PPP2R5D: variants seen among roughly 807,000 people sequenced by gnomAD.
The protein encoded by PPP2R5D is serine/threonine-protein phosphatase 2A 56 kDa regulatory subunit delta isoform.
A neutral mutation model predicts 79.1 loss-of-function variants in PPP2R5D; 12 were observed. The ratio of observed to expected loss-of-function variants is 0.15; its 90% CI spans 0.10 to 0.25. The LOEUF is 0.25. Among genes scored for constraint, PPP2R5D ranks in the 10% least tolerant of loss-of-function variants. PPP2R5D has a pLI of 1.00. For missense variants in PPP2R5D, 419 were observed against 760.2 expected (o/e 0.55, Z 5.28); for synonymous variants, 277 against 286.6 (o/e 0.97, Z 0.34).
chr6:43,004,051 C>T (rs559489632), intron 2 of PPP2R5D, among the ~76,000 whole-genome samples: 3 of 149,954 alleles, frequency 2.0e-5, no homozygotes, highest in African/African-American at 7.4e-5. Flanking sequence ...GAGTCTCGCT[C>T]TGTCGCCCAG....
rs370465754 is a variant in PPP2R5D at position 43,000,551 on chromosome 6, G to A, written c.106-5912G>A. ...AGCCACCGTGCCTGGCTACCTTCTTGTTAGCAGAAAACATTGAGGCCTTCC... is the reference window on the plus strand; with the variant it reads ...AGCCACCGTGCCTGGCTACCTTCTTATTAGCAGAAAACATTGAGGCCTTCC... On this transcript the variant is annotated intron_variant, in intron 2 of 15. Coordinates refer to ENST00000485511, the MANE Select transcript of PPP2R5D (RefSeq NM_006245.4). Among the ~76,000 whole-genome samples, 13 of 152,208 alleles carry A rather than the reference G, an allele frequency of 8.5e-5. No individual in the cohort carries two copies. The South Asian group carries it at 1.2e-3, about 15-fold the overall frequency.
chr6:42,985,527 C>T (rs1164754301), intron 1 of PPP2R5D, among the ~76,000 whole-genome samples: 1 of 152,168 alleles, frequency 6.6e-6, no homozygotes, highest in East Asian at 1.9e-4. Flanking sequence ...CCAAGTGCAT[C>T]CTAGACCAGT....
At chr6:43,000,975 GA>G (rs1772144797) in intron 2 of PPP2R5D, among the ~76,000 whole-genome samples, 1 of 152,184 alleles carries the variant, frequency 6.6e-6, no homozygotes, top group Admixed American at 6.5e-5. Context: ...CACATGAAGA[GA>G]CTAAGAGGTG....
At chr6:42,989,257 G>GA (rs1478780288) in intron 1 of PPP2R5D, among the ~76,000 whole-genome samples, 1 of 152,170 alleles carries the variant, frequency 6.6e-6, no homozygotes, top group African/African-American at 2.4e-5. Context: ...AGAAACCAGT[G>GA]AGCAGCTGTT....
At chr6:42,987,803 T>G (rs1770964533) in intron 1 of PPP2R5D, among the ~76,000 whole-genome samples, 1 of 152,154 alleles carries the variant, frequency 6.6e-6, no homozygotes, top group Admixed American at 6.6e-5. Flanking sequence ...GGCATCATGC[T>G]GAGTGCTGTA....
Position 43,000,236 on chromosome 6 carries a change from C to CTTTTTTTTTTTT in PPP2R5D, c.106-6219_106-6208dup, listed in dbSNP as rs1204045076. Among the ~76,000 whole-genome samples the CTTTTTTTTTTTT allele has an allele frequency of 9.9e-3, 1,047 of 105,940 alleles. 27 individuals carry two copies. Among genetic ancestry groups the CTTTTTTTTTTTT allele is most frequent in the Non-Finnish European group, 0.015 (857 of 56,724 alleles). 69.5% of individuals were successfully genotyped at this position (105,940 alleles called of 152,430 possible). The stretch of plus-strand genomic sequence containing the variant: ...GGCGTGAGCCACCACGTCTGGCCAC[C>CTTTTTTTTTTTT]TTTTTTTTTTTTTTTTTTTGAGATA... On this transcript the variant is annotated intron_variant, in intron 2 of 15. Coordinates refer to ENST00000485511, the MANE Select transcript of PPP2R5D (RefSeq NM_006245.4).
chr6:42,999,369 T>C (rs538165175), intron 2 of PPP2R5D, among the ~76,000 whole-genome samples: 1 of 152,308 alleles, frequency 6.6e-6, no homozygotes, highest in South Asian at 2.1e-4. Context: ...AACAGCTGTC[T>C]CTCAGATGCT....
At chr6:43,005,290 A>T (rs1049996499) in intron 2 of PPP2R5D, among the ~76,000 whole-genome samples, 12 of 151,334 alleles carry the variant, frequency 7.9e-5, no homozygotes, top group Non-Finnish European at 1.6e-4. Flanking sequence ...AAATTTGAAA[A>T]TTTTTATCTT....
chr6:43,008,701 C>T lies in PPP2R5D; in HGVS notation c.1035C>T (p.Tyr345=). Residue 345 remains tyrosine (Y), a synonymous_variant, in exon 10 of 16, where the codon TAC becomes TAT. Coordinates refer to ENST00000485511, the MANE Select transcript of PPP2R5D (RefSeq NM_006245.4). The surrounding 1 kb of genome is among the most constrained non-coding windows in gnomAD (Gnocchi z 4.2). ...SLSVYHPQLA[Y]CVVQFLEKES... ...ACCTCACACCTTTGCAGCTGGCATACTGTGTGGTACAATTCCTGGAGAAGG... is the reference window on the plus strand; with the variant it reads ...ACCTCACACCTTTGCAGCTGGCATATTGTGTGGTACAATTCCTGGAGAAGG... The T allele has an allele frequency of 6.2e-7, 1 of 1,614,154 alleles. No homozygotes were observed. Among genetic ancestry groups the T allele is most frequent in the Non-Finnish European group, 8.5e-7 (1 of 1,179,996 alleles).
At position 43,007,491 on chromosome 6, in the gene PPP2R5D, G is replaced by A. The variant is rs749438921; in HGVS notation, c.711G>A (p.Gln237=). The change falls in exon 6 of 16, where the codon CAG becomes CAA. Residue 237 remains glutamine (Q), a synonymous_variant. Coordinates refer to ENST00000485511, the MANE Select transcript of PPP2R5D (RefSeq NM_006245.4). This position sits in a 1 kb window ranked among gnomAD's most constrained non-coding sequence, Gnocchi z 4.5. ...ACATAGCCAAGAAGTACATCGACCA[G>A]AAGTTTGTACTTGCTGTGAGTCCCC... The part of the protein sequence containing the change: ...QPNIAKKYID[Q]KFVLALLDLF... 6.2e-7 allele frequency: 1 copy of A among 1,611,822 alleles called. No individual in the cohort carries two copies. Among genetic ancestry groups the A allele is most frequent in the South Asian group, 1.1e-5 (1 of 91,030 alleles).
Position 43,009,143 on chromosome 6 carries a change from C to A in PPP2R5D, c.1167C>A (p.Asp389Glu). Residue 389 changes from aspartate to glutamate, a missense_variant, in exon 11 of 16, where the codon GAC becomes GAA. Transcript: ENST00000485511. The surrounding 1 kb of genome is among the most constrained non-coding windows in gnomAD (Gnocchi z 5.6). The part of the protein sequence containing the change: ...MFLNELEEIL[D>E]VIEPSEFSKV... ...TGAATGAGCTGGAGGAGATTCTGGA[C>A]GTCATTGAACCTTCTGAGTTCAGCA... 6.2e-7 allele frequency: 1 copy of A among 1,614,080 alleles called. No homozygotes were observed. The highest frequency in any genetic ancestry group is 8.5e-7 in the Non-Finnish European group (1 of 1,179,990).
At position 43,008,580 on chromosome 6, in the gene PPP2R5D, T is replaced by C; in HGVS notation, c.1026+105T>C. 6.8e-7 allele frequency: 1 copy of C among 1,470,634 alleles called. No homozygotes were observed. Among genetic ancestry groups the C allele is most frequent in the Non-Finnish European group, 9.5e-7 (1 of 1,053,050 alleles). 91.1% of individuals were successfully genotyped at this position (1,470,634 alleles called of 1,614,324 possible). On this transcript the variant is annotated intron_variant, in intron 9 of 15. Transcript: ENST00000485511. This position sits in a 1 kb window ranked among gnomAD's most constrained non-coding sequence, Gnocchi z 4.2. The stretch of plus-strand genomic sequence containing the variant: ...GGGGAAGCATAGGGAGCAGGTGGGA[T>C]AATTCCTTCCCTCCATCTCCCCTTC...
intron 1 of PPP2R5D, among the ~76,000 whole-genome samples, chr6:42,988,965 C>T (rs1771054115): frequency 6.6e-6 from 1 of 152,226 alleles, no homozygotes; most frequent in South Asian, 2.1e-4. Flanking sequence ...AAGGAGACTT[C>T]AGACTAGTGC....
chr6:42,991,484 G>C (rs1011232369), intron 2 of PPP2R5D, among the ~76,000 whole-genome samples: 1 of 152,060 alleles, frequency 6.6e-6, no homozygotes, highest in Non-Finnish European at 1.5e-5. Flanking sequence ...TGCTGTTTTG[G>C]CACTCAGTAC....
In PPP2R5D at chr6:43,007,468, A is replaced by C. The variant is rs1381167866; in HGVS notation, c.688A>C (p.Ile230Leu). 1 of 1,613,702 alleles carries C rather than the reference A, an allele frequency of 6.2e-7. No homozygotes were observed. The highest frequency in any genetic ancestry group is 1.3e-5 in the African/African-American group (1 of 74,914). ...FLESPDFQPN[I>L]AKKYIDQKFV... ...TGAGTCTCCTGATTTCCAGCCAAAC[A>C]TAGCCAAGAAGTACATCGACCAGAA... The change falls in exon 6 of 16, where the codon ATA (isoleucine) becomes CTA (leucine). Residue 230 changes from isoleucine to leucine, a missense_variant. Ile to Leu is a conservative substitution (Grantham distance 5). Transcript: ENST00000485511. The surrounding 1 kb of genome is among the most constrained non-coding windows in gnomAD (Gnocchi z 4.5).
Position 43,008,291 on chromosome 6 carries a change from G to T in PPP2R5D, c.917+31G>T. ...AGGCCGGGTGGGGGCACAGATGCCT[G>T]AAAAAGGTTGGCAGGATTGGTGTAC... On this transcript the variant is annotated intron_variant, in intron 8 of 15. Transcript: ENST00000485511. This position sits in a 1 kb window ranked among gnomAD's most constrained non-coding sequence, Gnocchi z 4.2. The T allele has an allele frequency of 6.2e-7, 1 of 1,614,086 alleles. No individual in the cohort carries two copies. The highest frequency in any genetic ancestry group is 8.5e-7 in the Non-Finnish European group (1 of 1,179,940).
chr6:43,004,180 G>A (rs1226558848), intron 2 of PPP2R5D, among the ~76,000 whole-genome samples: 1 of 151,958 alleles, frequency 6.6e-6, no homozygotes, highest in Non-Finnish European at 1.5e-5. Flanking sequence ...CCACCACCAG[G>A]CCTGGCTAAT....
intron 1 of PPP2R5D, among the ~76,000 whole-genome samples, chr6:42,988,920 C>T (rs944661229): frequency 2.0e-5 from 3 of 152,210 alleles, no homozygotes; most frequent in African/African-American, 7.2e-5. Flanking sequence ...AGATGCTGGG[C>T]AGGCCAGGGC....
At chr6:42,993,148 T>C (rs1771388948) in intron 2 of PPP2R5D, among the ~76,000 whole-genome samples, 1 of 151,848 alleles carries the variant, frequency 6.6e-6, no homozygotes, top group Non-Finnish European at 1.5e-5. Context: ...AATACAAAAA[T>C]TAGCCAGGCG....
Sources: gnomAD v4.1 joint callset for allele counts (sites outside exome capture counted in the v4.1 genomes callset) on GRCh38, gnomAD v4.1.1 for gene constraint, Gnocchi (gnomAD v3.1) non-coding constraint, MANE v1.5 for transcripts, NCBI Gene and HGNC (gene_info 2026-07-23, HGNC 2026-07-21) for gene names.